GPM6A: variants seen among roughly 807,000 people sequenced by gnomAD.
The protein encoded by GPM6A is glycoprotein M6A, also known as neuronal membrane glycoprotein M6-a.
GPM6A carries 7 observed loss-of-function variants against 32.1 expected under a neutral mutation model. The observed-to-expected ratio is 0.22, with a 90% CI of 0.12 to 0.41. The LOEUF is 0.41. Ranked by LOEUF, GPM6A falls within the 10% of genes least tolerant of loss-of-function variation. The probability of loss-of-function intolerance (pLI) is 1.00; values close to 1 mark genes in which losing one functional copy is unlikely to be tolerated. For synonymous variants in GPM6A, 130 were observed against 123.4 expected (o/e 1.05, Z -0.35); for missense variants, 235 against 347.2 (o/e 0.68, Z 2.57).
In GPM6A at chr4:175,835,728, A is replaced by G. The variant is rs199624492; in HGVS notation, c.-22-23479T>C. ...ATATACTTTACAGTACATATTAACTATATATAATATATTATTTTTTCAAAT... is the reference window on the plus strand; with the variant it reads ...ATATACTTTACAGTACATATTAACTGTATATAATATATTATTTTTTCAAAT... On this transcript the variant is annotated intron_variant, in intron 1 of 7. Coordinates refer to the GPM6A transcript ENST00000280187. Among the ~76,000 whole-genome samples, 45 of 146,826 alleles carry G rather than the reference A, an allele frequency of 3.1e-4. No homozygotes were observed. In the East Asian group the frequency reaches 8.6e-3, roughly 28 times the overall value.
chr4:175,896,368 C>T (rs1737793702), intron 1 of GPM6A, among the ~76,000 whole-genome samples: 1 of 152,074 alleles, frequency 6.6e-6, no homozygotes, highest in Admixed American at 6.6e-5. Context: ...TCCCTAAATG[C>T]ACCAGAAAAT....
chr4:175,890,306 C>T (rs1292740660), intron 1 of GPM6A, among the ~76,000 whole-genome samples: 2 of 152,030 alleles, frequency 1.3e-5, no homozygotes, highest in Admixed American at 6.6e-5. Flanking sequence ...AGAATAAACA[C>T]CCTAAAGAAC....
At chr4:175,657,590 C>T (rs1742159423) in intron 3 of GPM6A, among the ~76,000 whole-genome samples, 1 of 152,098 alleles carries the variant, frequency 6.6e-6, no homozygotes, top group Non-Finnish European at 1.5e-5. Context: ...GCCAGACACA[C>T]CTACTAATGT....
intron 1 of GPM6A, among the ~76,000 whole-genome samples, chr4:175,938,737 C>CAA (rs3034711): frequency 0.66 from 89,060 of 133,936 alleles, 29,537 homozygotes; most frequent in East Asian, 0.76. Context: ...AAAGTAAAAC[C>CAA]AAAAAAAAAA....
chr4:175,827,395 G>A (rs745366075), intron 1 of GPM6A, among the ~76,000 whole-genome samples: 12 of 152,098 alleles, frequency 7.9e-5, no homozygotes, highest in Non-Finnish European at 1.3e-4. Context: ...ACCCTGTGAG[G>A]TACATAGTAT....
intron 1 of GPM6A, among the ~76,000 whole-genome samples, chr4:175,969,978 T>G (rs1740450515): frequency 6.6e-6 from 1 of 152,222 alleles, no homozygotes; most frequent in Non-Finnish European, 1.5e-5. Flanking sequence ...TAAAGCAATT[T>G]AACTACTTTT....
At chr4:175,731,292 G>A (rs745984443) in intron 1 of GPM6A, among the ~76,000 whole-genome samples, 1 of 152,004 alleles carries the variant, frequency 6.6e-6, no homozygotes, top group Non-Finnish European at 1.5e-5. Flanking sequence ...CAGCCGGTCC[G>A]TGTACTGCAG....
chr4:175,983,998 C>G (rs1465421262), intron 1 of GPM6A, among the ~76,000 whole-genome samples: 2 of 148,162 alleles, frequency 1.3e-5, no homozygotes, highest in African/African-American at 2.6e-5. Context: ...CTGTCTCTCT[C>G]TCTCTCTCTC....
chr4:175,717,578 G>A (rs1276132463), intron 1 of GPM6A, among the ~76,000 whole-genome samples: 1 of 152,054 alleles, frequency 6.6e-6, no homozygotes, highest in African/African-American at 2.4e-5. Flanking sequence ...TATAGACATA[G>A]ACATGAGTAA....
chr4:175,691,420 T>C (rs1744292067), intron 2 of GPM6A, among the ~76,000 whole-genome samples: 1 of 152,194 alleles, frequency 6.6e-6, no homozygotes, highest in Non-Finnish European at 1.5e-5. Flanking sequence ...ATATAAGCAT[T>C]GTAAATTTTT....
intron 1 of GPM6A, chr4:175,790,524 C>A (rs1294782088): frequency 6.6e-6 from 1 of 152,102 alleles, no homozygotes; most frequent in East Asian, 1.9e-4. Context: ...AGTGTATTTT[C>A]TATCAAAAAT....
intron 1 of GPM6A, among the ~76,000 whole-genome samples, chr4:175,918,782 A>C (rs1176014812): frequency 6.6e-6 from 1 of 152,154 alleles, no homozygotes; most frequent in African/African-American, 2.4e-5. Flanking sequence ...TCTTTTAACA[A>C]TTTGTGAAAC....
chr4:175,692,059 C>A (rs887820381), intron 2 of GPM6A, among the ~76,000 whole-genome samples: 1 of 152,120 alleles, frequency 6.6e-6, no homozygotes, highest in Non-Finnish European at 1.5e-5. Flanking sequence ...TTTCAGTTAG[C>A]CCAGTAAGAC....
chr4:175,974,349 G>A (rs1740595235), intron 1 of GPM6A, among the ~76,000 whole-genome samples: 1 of 152,106 alleles, frequency 6.6e-6, no homozygotes, highest in Non-Finnish European at 1.5e-5. Flanking sequence ...TTGTTTGTTT[G>A]TTTGTTTGAT....
At chr4:175,894,332 A>C (rs924544032) in intron 1 of GPM6A, among the ~76,000 whole-genome samples, 33 of 152,306 alleles carry the variant, frequency 2.2e-4, no homozygotes, top group African/African-American at 7.2e-4. Flanking sequence ...TATCTAATCT[A>C]TAGGAAGATA....
intron 1 of GPM6A, among the ~76,000 whole-genome samples, chr4:175,849,687 T>C (rs2111399662): frequency 6.6e-6 from 1 of 152,330 alleles, no homozygotes; most frequent in Middle Eastern, 3.4e-3. Context: ...TTTTATTTGA[T>C]AAATATATAT....
At chr4:175,866,088 A>G (rs1475865381) in intron 1 of GPM6A, among the ~76,000 whole-genome samples, 1 of 152,222 alleles carries the variant, frequency 6.6e-6, no homozygotes, top group African/African-American at 2.4e-5. Flanking sequence ...AAGTTATTTA[A>G]TCTATTGCCA....
chr4:175,885,701 A>G (rs1315824634), intron 1 of GPM6A, among the ~76,000 whole-genome samples: 1 of 152,198 alleles, frequency 6.6e-6, no homozygotes. Context: ...TGAAAGCTGA[A>G]TCTCTAAAAG....
chr4:175,717,280 T>G (rs1263681761), intron 1 of GPM6A, among the ~76,000 whole-genome samples: 1 of 152,212 alleles, frequency 6.6e-6, no homozygotes, highest in African/African-American at 2.4e-5. Flanking sequence ...TATCTCTTCC[T>G]TAGAGAGAAT....
Sources: allele counts gnomAD v4.1 joint callset (sites outside exome capture counted in the v4.1 genomes callset), GRCh38; gene constraint gnomAD v4.1.1; transcripts MANE v1.5; gene names NCBI Gene and HGNC (gene_info 2026-07-23, HGNC 2026-07-21).